The following PIGL variants were observed in gnomAD, a reference collection of about 807,000 sequenced individuals.
The protein encoded by PIGL is phosphatidylinositol glycan anchor biosynthesis class L.
PIGL carries 22 observed loss-of-function variants against 31.1 expected under a neutral mutation model. The ratio of observed to expected loss-of-function variants is 0.71; its 90% CI spans 0.51 to 1.01. The LOEUF (loss-of-function observed/expected upper bound fraction) is 1.01, where lower values mean the gene tolerates loss of function less well. Ranked by LOEUF, PIGL falls within the 50% of genes least tolerant of loss-of-function variation. PIGL has a pLI of 0.00. For synonymous variants in PIGL, 131 were observed against 117.4 expected (o/e 1.12, Z -0.75); for missense variants, 302 against 315.9 (o/e 0.96, Z 0.33).
rs564238799 is a variant in PIGL, at chr17:16,266,536, G to A, written c.335+32466G>A. On this transcript the variant is annotated intron_variant, in intron 2 of 6. Coordinates refer to ENST00000225609, the MANE Select transcript of PIGL (RefSeq NM_004278.4). The stretch of plus-strand genomic sequence containing the variant: ...ACATCACCAGCCTCTTATGTTGACC[G>A]AATCAAGACCTTTAACTGCCTAGTA... 1.2e-3 allele frequency among the ~76,000 whole-genome samples: 185 copies of A among 151,996 alleles called. 1 individual carries two copies. Among genetic ancestry groups the A allele is most frequent in the African/African-American group, 4.2e-3 (175 of 41,478 alleles).
intron 6 of PIGL, chr17:16,324,441 A>T (rs1362196057): frequency 6.6e-6 from 1 of 151,118 alleles, no homozygotes; most frequent in Non-Finnish European, 1.5e-5. Flanking sequence ...TCTAATTGCA[A>T]TCTCCGCCTC....
At chr17:16,284,242 G>A (rs925601199) in intron 2 of PIGL, among the ~76,000 whole-genome samples, 1 of 152,148 alleles carries the variant, frequency 6.6e-6, no homozygotes, top group African/African-American at 2.4e-5. Context: ...CTCCCAAAGT[G>A]CTGGGATTAC....
rs559267333 is a variant in PIGL, at chr17:16,257,077, C to T, written c.335+23007C>T. On this transcript the variant is annotated intron_variant, in intron 2 of 6. Transcript: ENST00000225609. ...GCACTCCACTGCCACTGCACTCTAGCCTGGACAACAGAGATCCTGTCTCAA... is the reference window on the plus strand; with the variant it reads ...GCACTCCACTGCCACTGCACTCTAGTCTGGACAACAGAGATCCTGTCTCAA... Among the ~76,000 whole-genome samples, 148 of 152,224 alleles carry T rather than the reference C, an allele frequency of 9.7e-4. 1 individual carries two copies. The highest frequency in any genetic ancestry group is 2.9e-4 in the Non-Finnish European group (20 of 68,012).
intron 1 of PIGL, among the ~76,000 whole-genome samples, chr17:16,231,061 GTTTTTCTT>G (rs1568781143): frequency 7.7e-6 from 1 of 130,314 alleles, no homozygotes; most frequent in African/African-American, 2.9e-5. Flanking sequence ...TTTGGTTTTG[GTTTTTCTT>G]TTTTTTTTTT....
chr17:16,261,338 G>A (rs1050032694), intron 2 of PIGL, among the ~76,000 whole-genome samples: 6 of 152,062 alleles, frequency 3.9e-5, no homozygotes, highest in African/African-American at 1.2e-4. Flanking sequence ...TCTAGCTGGC[G>A]AAGCAACACC....
chr17:16,306,072 C>G (rs1332759663), intron 3 of PIGL, among the ~76,000 whole-genome samples: 1 of 152,168 alleles, frequency 6.6e-6, no homozygotes, highest in East Asian at 1.9e-4. Context: ...CCTCAGCCTC[C>G]CGAGTAGCTG....
At chr17:16,295,525 T>A (rs2092977974) in intron 2 of PIGL, among the ~76,000 whole-genome samples, 1 of 151,894 alleles carries the variant, frequency 6.6e-6, no homozygotes, top group Admixed American at 6.6e-5. Context: ...CTCACACCTG[T>A]AATCTCAGCT....
chr17:16,231,843 A>G (rs1386167964), intron 1 of PIGL, among the ~76,000 whole-genome samples: 1 of 152,182 alleles, frequency 6.6e-6, no homozygotes, highest in Non-Finnish European at 1.5e-5. Flanking sequence ...TAATGGTCTC[A>G]AACTCTTTGG....
intron 4 of PIGL, among the ~76,000 whole-genome samples, chr17:16,315,708 C>CT (rs1157169209): frequency 0.33 from 18,928 of 57,588 alleles, 4,670 homozygotes; most frequent in East Asian, 0.56. Context: ...TTCTTTCTTT[C>CT]TTTTTTTTTT....
intron 3 of PIGL, among the ~76,000 whole-genome samples, chr17:16,310,286 AGTGT>A (rs10522327): frequency 0.073 from 10,688 of 146,128 alleles, 787 homozygotes; most frequent in African/African-American, 0.2. Context: ...ATTATTAAAA[AGTGT>A]GTGTGTGTGT....
At chr17:16,227,303 G>A (rs1312706077) in intron 1 of PIGL, among the ~76,000 whole-genome samples, 2 of 151,730 alleles carry the variant, frequency 1.3e-5, no homozygotes, top group African/African-American at 2.4e-5. Flanking sequence ...TAGAGCCAGG[G>A]TTTCACCATG....
intron 2 of PIGL, among the ~76,000 whole-genome samples, chr17:16,262,727 G>T (rs1421870022): frequency 6.6e-6 from 1 of 152,092 alleles, no homozygotes; most frequent in African/African-American, 2.4e-5. Flanking sequence ...ATGCCTAAAA[G>T]AATTGAAAAT....
At position 16,245,861 on chromosome 17, in the gene PIGL, C is replaced by T. The variant is rs1294287026; in HGVS notation, c.335+11791C>T. Among the ~76,000 whole-genome samples the T allele has an allele frequency of 3.3e-5, 5 of 151,046 alleles. No homozygotes were observed. The East Asian group carries it at 9.8e-4, about 30-fold the overall frequency. ...GAGTCTCGGAGTCTCCCTCTGTCAC[C>T]CAGGCTGGAGTGCAGTGGCACAATC... On this transcript the variant is annotated intron_variant, in intron 2 of 6. Transcript: ENST00000225609.
intron 2 of PIGL, among the ~76,000 whole-genome samples, chr17:16,242,355 G>A (rs1036271524): frequency 4.6e-5 from 7 of 151,996 alleles, no homozygotes; most frequent in African/African-American, 1.7e-4. Flanking sequence ...AGTCTATATA[G>A]AACTTTTTAT....
chr17:16,307,760 A>G (rs1017721032), intron 3 of PIGL, among the ~76,000 whole-genome samples: 1 of 152,032 alleles, frequency 6.6e-6, no homozygotes, highest in Non-Finnish European at 1.5e-5. Context: ...TGACCCCAGG[A>G]GTTTGAGACC....
chr17:16,235,008 T>C (rs760513455), intron 2 of PIGL, among the ~76,000 whole-genome samples: 2 of 152,204 alleles, frequency 1.3e-5, no homozygotes, highest in Non-Finnish European at 2.9e-5. Flanking sequence ...AGTGCTTGTT[T>C]CTTCACCTAT....
chr17:16,273,203 T>C (rs1191509950), intron 2 of PIGL, among the ~76,000 whole-genome samples: 17 of 152,276 alleles, frequency 1.1e-4, no homozygotes, highest in Non-Finnish European at 4.4e-5. Flanking sequence ...AAAGGTACCA[T>C]GGACTCAGAT....
At chr17:16,268,373 CTT>C (rs74267027) in intron 2 of PIGL, among the ~76,000 whole-genome samples, 59,943 of 151,976 alleles carry the variant, frequency 0.39, 13,119 homozygotes, top group Middle Eastern at 0.51. Flanking sequence ...TCCTCTTCCT[CTT>C]TTAAGTGAAA....
At chr17:16,255,305 A>G (rs2092789456) in intron 2 of PIGL, among the ~76,000 whole-genome samples, 1 of 152,130 alleles carries the variant, frequency 6.6e-6, no homozygotes, top group Non-Finnish European at 1.5e-5. Flanking sequence ...ATTTTTCTAC[A>G]TCTATTTATT....
Sources: allele counts gnomAD v4.1 joint callset (sites outside exome capture counted in the v4.1 genomes callset), GRCh38; gene constraint gnomAD v4.1.1; transcripts MANE v1.5; gene names NCBI Gene and HGNC (gene_info 2026-07-23, HGNC 2026-07-21).